RNF144A: variants seen among roughly 807,000 people sequenced by gnomAD.
The protein encoded by RNF144A is ring finger protein 144A, also known as E3 ubiquitin-protein ligase RNF144A.
Under a neutral mutation model 38.7 loss-of-function variants are expected in RNF144A, and 11 were observed. The ratio of observed to expected loss-of-function variants is 0.28; its 90% CI spans 0.18 to 0.47. The LOEUF (loss-of-function observed/expected upper bound fraction) is 0.47. Ranked by LOEUF, RNF144A falls within the 20% of genes least tolerant of loss-of-function variation. RNF144A has a pLI of 0.99. For synonymous variants in RNF144A, 149 were observed against 143.9 expected (o/e 1.04, Z -0.25); for missense variants, 316 against 377.2 (o/e 0.84, Z 1.34).
chr2:7,015,652 ACT>A (rs1413606683), intron 5 of RNF144A, among the ~76,000 whole-genome samples: 1 of 151,924 alleles, frequency 6.6e-6, no homozygotes, highest in Non-Finnish European at 1.5e-5. Context: ...GAGTCTGTGG[ACT>A]CTCTTTGGCT....
intron 7 of RNF144A, among the ~76,000 whole-genome samples, chr2:7,025,272 T>G (rs1411603868): frequency 6.6e-6 from 1 of 152,278 alleles, no homozygotes; most frequent in Non-Finnish European, 1.5e-5. Context: ...TGCTGCTATT[T>G]AGCTTCTCAT....
intron 6 of RNF144A, among the ~76,000 whole-genome samples, chr2:7,021,359 G>A (rs1402048544): frequency 6.6e-6 from 1 of 152,090 alleles, no homozygotes; most frequent in Non-Finnish European, 1.5e-5. Context: ...TCCCCAGGGT[G>A]TGCTCACCAG....
intron 2 of RNF144A, among the ~76,000 whole-genome samples, chr2:6,951,613 A>G: frequency 6.6e-6 from 1 of 152,298 alleles, no homozygotes; most frequent in Admixed American, 6.5e-5. Context: ...ATCACTATCC[A>G]TGTATTTATG....
At chr2:7,029,133 G>T (rs966313109) in intron 7 of RNF144A, among the ~76,000 whole-genome samples, 1 of 152,240 alleles carries the variant, frequency 6.6e-6, no homozygotes, top group African/African-American at 2.4e-5. Context: ...TTCCTCAGGC[G>T]CATTGGGCCC....
At chr2:6,980,216 T>C (rs76133859) in intron 2 of RNF144A, among the ~76,000 whole-genome samples, 10 of 152,282 alleles carry the variant, frequency 6.6e-5, no homozygotes, top group African/African-American at 2.4e-4. Context: ...CTCCCAGATA[T>C]CGTGTCCTTT....
intron 2 of RNF144A, among the ~76,000 whole-genome samples, chr2:6,977,373 AC>A (rs1197294486): frequency 6.6e-6 from 1 of 152,262 alleles, no homozygotes; most frequent in African/African-American, 2.4e-5. Flanking sequence ...AGCACAGACA[AC>A]TGGACATGGT....
chr2:6,931,928 G>A (rs1470302284), intron 1 of RNF144A, among the ~76,000 whole-genome samples: 1 of 152,124 alleles, frequency 6.6e-6, no homozygotes, highest in Non-Finnish European at 1.5e-5. Flanking sequence ...CAAGTAGATC[G>A]AGTTGATTGT....
chr2:6,984,463 C>A (rs572650054), intron 2 of RNF144A, among the ~76,000 whole-genome samples: 1 of 152,086 alleles, frequency 6.6e-6, no homozygotes, highest in Non-Finnish European at 1.5e-5. Flanking sequence ...CCACCACATC[C>A]GCGCTAATTT....
chr2:7,040,467 G>A lies in RNF144A; in HGVS notation c.*707G>A. ...TTATAAGTGTGCTTCCTATATTGTT[G>A]CATTTCCTTGATAATATTGACGTGT... is the stretch of plus-strand genomic sequence containing the variant. On this transcript the variant is annotated 3_prime_UTR_variant, in exon 9 of 9. Coordinates refer to ENST00000320892, the MANE Select transcript of RNF144A (RefSeq NM_014746.6). 1.0e-6 allele frequency: 1 copy of A among 985,278 alleles called. No individual in the cohort carries two copies. Among genetic ancestry groups the A allele is most frequent in the Non-Finnish European group, 1.2e-6 (1 of 829,880 alleles). 61.0% of individuals were successfully genotyped at this position (985,278 alleles called of 1,614,324 possible).
intron 6 of RNF144A, among the ~76,000 whole-genome samples, chr2:7,052,118 C>A (rs1673552229): frequency 6.6e-6 from 1 of 152,178 alleles, no homozygotes; most frequent in African/African-American, 2.4e-5. Context: ...AGTTAACAGT[C>A]CGTGGTGTCA....
At chr2:7,068,068 C>A in intron 6 of RNF144A, 1 of 401,086 alleles carries the variant, frequency 2.5e-6, no homozygotes, top group Non-Finnish European at 5.1e-6. Context: ...CTTACCAGTG[C>A]TGTGCTCCGA....
At chr2:7,051,408 G>A (rs879881069) in intron 6 of RNF144A, among the ~76,000 whole-genome samples, 5 of 152,154 alleles carry the variant, frequency 3.3e-5, no homozygotes, top group Non-Finnish European at 1.5e-5. Context: ...GAGGATTTCA[G>A]GTTAAGGTTG....
intron 1 of RNF144A, among the ~76,000 whole-genome samples, chr2:6,939,312 AT>A (rs1299416715): frequency 6.6e-6 from 1 of 152,022 alleles, no homozygotes; most frequent in Non-Finnish European, 1.5e-5. Flanking sequence ...TGGAGTTTCG[AT>A]TTGCATTTCC....
chr2:6,966,638 C>T (rs535001677), intron 2 of RNF144A, among the ~76,000 whole-genome samples: 1 of 152,178 alleles, frequency 6.6e-6, no homozygotes, highest in Non-Finnish European at 1.5e-5. Flanking sequence ...ATGACAACCT[C>T]CTGTCGTGCG....
At chr2:7,030,041 A>G in intron 7 of RNF144A, 85 bp from the exon 8 acceptor site, 1 of 929,352 alleles carries the variant, frequency 1.1e-6, no homozygotes, top group Non-Finnish European at 1.8e-6. Context: ...TGAGCATAGG[A>G]GAAGAAATGC....
intron 6 of RNF144A, among the ~76,000 whole-genome samples, chr2:7,023,913 G>A (rs1314684652): frequency 1.3e-5 from 2 of 152,196 alleles, no homozygotes; most frequent in Non-Finnish European, 2.9e-5. Context: ...TAAACAGTGT[G>A]TGTTTGTGTG....
At chr2:6,967,584 G>A (rs990063757) in intron 2 of RNF144A, among the ~76,000 whole-genome samples, 1 of 152,230 alleles carries the variant, frequency 6.6e-6, no homozygotes, top group Non-Finnish European at 1.5e-5. Flanking sequence ...CTGGGTAACT[G>A]AGGCAGGGGT....
rs79918528 is a variant in RNF144A at position 6,944,278 on chromosome 2, G to T, written c.-12+3131G>T. ...TGAGGTGGTGTGAGGAACCCGGAATGTGGGGTGTCTGCGGGTGCTGCAAGT... is the reference window on the plus strand; with the variant it reads ...TGAGGTGGTGTGAGGAACCCGGAATTTGGGGTGTCTGCGGGTGCTGCAAGT... On this transcript the variant is annotated intron_variant, in intron 2 of 8. Transcript: ENST00000320892. This position sits in a 1 kb window ranked among gnomAD's most constrained non-coding sequence, Gnocchi z 4.7. 6.6e-6 allele frequency among the ~76,000 whole-genome samples: 1 copy of T among 152,164 alleles called. No individual in the cohort carries two copies. The highest frequency in any genetic ancestry group is 2.4e-5 in the African/African-American group (1 of 41,424).
intron 8 of RNF144A, among the ~76,000 whole-genome samples, chr2:7,036,799 C>G (rs189106130): frequency 6.6e-6 from 1 of 152,074 alleles, no homozygotes; most frequent in Non-Finnish European, 1.5e-5. Flanking sequence ...TTTTCCAAGC[C>G]CTTGAATGTG....
Sources: allele counts gnomAD v4.1 joint callset (sites outside exome capture counted in the v4.1 genomes callset), GRCh38; gene constraint gnomAD v4.1.1; non-coding constraint Gnocchi (gnomAD v3.1); transcripts MANE v1.5; gene names NCBI Gene and HGNC (gene_info 2026-07-23, HGNC 2026-07-21).